ROR1: variants seen among roughly 807,000 people sequenced by gnomAD.
ROR1 encodes the protein inactive tyrosine-protein kinase transmembrane receptor ROR1.
Under a neutral mutation model 78.8 loss-of-function variants are expected in ROR1, and 19 were observed. The observed-to-expected ratio is 0.24, with a 90% CI of 0.17 to 0.35. ROR1 has a LOEUF of 0.35. ROR1 is among the 10% of genes least tolerant of loss of function. The pLI is 1.00. For synonymous variants in ROR1, 386 were observed against 433.6 expected, an observed-to-expected ratio of 0.89 and a Z score of 1.36; for missense variants, 917 against 1,177.8, an observed-to-expected ratio of 0.78 and a Z score of 3.24.
intron 7 of ROR1, among the ~76,000 whole-genome samples, chr1:64,156,726 A>G (rs1045796313): frequency 7.4e-6 from 1 of 135,856 alleles, no homozygotes. Flanking sequence ...AAAAAAAAAA[A>G]GCAGGGATTT....
Position 63,842,773 on chromosome 1 carries a change from G to C in ROR1, c.91+68265G>C, listed in dbSNP as rs564805515. Among the ~76,000 whole-genome samples the C allele has an allele frequency of 4.6e-5, 7 of 152,132 alleles. No individual in the cohort carries two copies. The South Asian group carries it at 1.2e-3, about 27-fold the overall frequency. On this transcript the variant is annotated intron_variant, in intron 1 of 8. Coordinates refer to ENST00000371079, the MANE Select transcript of ROR1 (RefSeq NM_005012.4). ...AGGGAGAGGAACCAGCCAGCACAGG[G>C]AGGGGTCATCTCCACAACATTCCAT...
intron 4 of ROR1, among the ~76,000 whole-genome samples, chr1:64,094,210 C>A (rs1012359879): frequency 2.6e-5 from 4 of 152,150 alleles, no homozygotes; most frequent in Admixed American, 2.0e-4. Context: ...ATGTCTATTG[C>A]AAGCATGTTT....
At chr1:64,171,730 C>T (rs548993615) in intron 8 of ROR1, among the ~76,000 whole-genome samples, 1 of 152,294 alleles carries the variant, frequency 6.6e-6, no homozygotes, top group Admixed American at 6.5e-5. Flanking sequence ...CAGAGAACCA[C>T]CCTGGGCTCG....
intron 4 of ROR1, among the ~76,000 whole-genome samples, chr1:64,118,828 A>G (rs1648418459): frequency 6.6e-6 from 1 of 152,138 alleles, no homozygotes; most frequent in Non-Finnish European, 1.5e-5. Context: ...TTTCTCCTCC[A>G]TGTGACTCAT....
At chr1:64,019,319 TC>T in intron 2 of ROR1, among the ~76,000 whole-genome samples, 1 of 152,322 alleles carries the variant, frequency 6.6e-6, no homozygotes, top group East Asian at 1.9e-4. Flanking sequence ...GAGTGAGAAG[TC>T]CTTGGTTTAT....
At position 63,786,256 on chromosome 1, in the gene ROR1, A is replaced by ATTTTTTTTTT. The variant is rs34933492; in HGVS notation, c.91+11773_91+11782dup. ...CCCCCCTTACGCTGGCTACAACTTG[A>ATTTTTTTTTT]TTTTTTTTTTTTTTTTTTTTTTTTT... On this transcript the variant is annotated intron_variant, in intron 1 of 8. Transcript: ENST00000371079. Among the ~76,000 whole-genome samples, 16 of 67,468 alleles carry ATTTTTTTTTT rather than the reference A, an allele frequency of 2.4e-4. 2 individuals are homozygous for ATTTTTTTTTT. Among genetic ancestry groups the ATTTTTTTTTT allele is most frequent in the Non-Finnish European group, 2.8e-4 (10 of 35,310 alleles). The allele number at this position is 67,468 out of a possible 152,430, so 44.3% of individuals were successfully genotyped here.
intron 4 of ROR1, among the ~76,000 whole-genome samples, chr1:64,061,516 T>C (rs1646917032): frequency 6.6e-6 from 1 of 152,158 alleles, no homozygotes; most frequent in Admixed American, 6.5e-5. Flanking sequence ...GTAATGTGCA[T>C]ATAGATCACC....
chr1:64,011,049 AT>A (rs1470963153), intron 2 of ROR1, among the ~76,000 whole-genome samples: 4 of 152,232 alleles, frequency 2.6e-5, no homozygotes, highest in African/African-American at 9.6e-5. Flanking sequence ...AGATAAGTTT[AT>A]TTTATAAAAC....
intron 1 of ROR1, among the ~76,000 whole-genome samples, chr1:63,798,593 A>T (rs687640): frequency 0.34 from 51,352 of 152,092 alleles, 12,512 homozygotes; most frequent in African/African-American, 0.7. Context: ...TATAGACAAG[A>T]CACTAACTGC....
At chr1:64,000,049 A>G (rs986777047) in intron 1 of ROR1, among the ~76,000 whole-genome samples, 1 of 152,210 alleles carries the variant, frequency 6.6e-6, no homozygotes, top group Non-Finnish European at 1.5e-5. Flanking sequence ...ATTATAAAAT[A>G]TGAAATGAAA....
At chr1:64,028,796 C>T (rs1332784824) in intron 2 of ROR1, 1 of 151,976 alleles carries the variant, frequency 6.6e-6, no homozygotes, top group Non-Finnish European at 1.5e-5. Context: ...ACAAATAATC[C>T]AGTTATACTC....
chr1:64,079,470 A>ATTTT (rs71056020), intron 4 of ROR1, among the ~76,000 whole-genome samples: 34 of 146,272 alleles, frequency 2.3e-4, no homozygotes, highest in Non-Finnish European at 3.0e-4. Context: ...CTTGATTGGG[A>ATTTT]TTTTTTTTTT....
intron 1 of ROR1, among the ~76,000 whole-genome samples, chr1:63,827,781 T>G (rs1347331783): frequency 6.6e-6 from 1 of 152,190 alleles, no homozygotes; most frequent in Non-Finnish European, 1.5e-5. Context: ...TGGGTGAAAC[T>G]GAACTGGTTT....
At chr1:63,796,451 T>C (rs187741607) in intron 1 of ROR1, among the ~76,000 whole-genome samples, 1 of 152,354 alleles carries the variant, frequency 6.6e-6, no homozygotes, top group East Asian at 1.9e-4. Flanking sequence ...TCCCAGGTGA[T>C]TTATATGCAA....
At chr1:63,790,259 C>T (rs1644717606) in intron 1 of ROR1, among the ~76,000 whole-genome samples, 1 of 152,184 alleles carries the variant, frequency 6.6e-6, no homozygotes, top group African/African-American at 2.4e-5. Flanking sequence ...ATGGATTCTG[C>T]TTTTACTTTT....
Position 63,891,470 on chromosome 1 carries a change from C to T in ROR1, c.91+116962C>T, listed in dbSNP as rs1325082321. Among the ~76,000 whole-genome samples the T allele has an allele frequency of 3.3e-5, 5 of 152,032 alleles. No homozygotes were observed. The East Asian group carries it at 9.6e-4, about 29-fold the overall frequency. On this transcript the variant is annotated intron_variant, in intron 1 of 8. Coordinates refer to ENST00000371079, the MANE Select transcript of ROR1 (RefSeq NM_005012.4). ...AAGACTTGCAGGTGTGAGCGGTTGC[C>T]TAGGAATGTCATTTCAGGATTGGTA... is the stretch of plus-strand genomic sequence containing the variant.
chr1:63,775,131 CTG>C (rs1402514245), intron 1 of ROR1, among the ~76,000 whole-genome samples: 1 of 152,176 alleles, frequency 6.6e-6, no homozygotes. Flanking sequence ...GCAAAATGTG[CTG>C]TCAGAGGCGG....
At chr1:64,043,807 C>T (rs1375419300) in intron 2 of ROR1, among the ~76,000 whole-genome samples, 2 of 152,170 alleles carry the variant, frequency 1.3e-5, no homozygotes, top group African/African-American at 2.4e-5. Context: ...TCCTTAACTT[C>T]TCTGTGTCTC....
At chr1:63,968,362 A>C (rs1197380652) in intron 1 of ROR1, among the ~76,000 whole-genome samples, 2 of 152,218 alleles carry the variant, frequency 1.3e-5, no homozygotes, top group African/African-American at 4.8e-5. Context: ...TCAGCTATTT[A>C]GAACAGTAGA....
Sources: allele counts gnomAD v4.1 joint callset (sites outside exome capture counted in the v4.1 genomes callset), GRCh38; gene constraint gnomAD v4.1.1; transcripts MANE v1.5; gene names NCBI Gene and HGNC (gene_info 2026-07-23, HGNC 2026-07-21).